Variants in HLCS observed in about 807,000 individuals in gnomAD.
HLCS encodes holocarboxylase synthetase.
Under a neutral mutation model 75.0 loss-of-function variants are expected in HLCS, and 53 were observed. That is an observed-to-expected ratio of 0.71 (90% CI 0.57 to 0.89). The LOEUF is 0.89. Among genes scored for constraint, HLCS ranks in the 40% least tolerant of loss-of-function variants. The pLI is 0.00. For synonymous variants in HLCS, 431 were observed against 428.6 expected (o/e 1.01, Z -0.07); for missense variants, 966 against 1,074.0 (o/e 0.90, Z 1.41).
intron 2 of HLCS, among the ~76,000 whole-genome samples, chr21:36,941,038 C>T (rs2067117200): frequency 6.6e-6 from 1 of 152,132 alleles, no homozygotes; most frequent in Non-Finnish European, 1.5e-5. Flanking sequence ...ATGGTAAAAC[C>T]CCGTCTCTAC....
chr21:36,942,703 A>G (rs1027393933), intron 2 of HLCS, among the ~76,000 whole-genome samples: 31 of 152,154 alleles, frequency 2.0e-4, no homozygotes, highest in African/African-American at 7.5e-4. Context: ...GAAAAATAGG[A>G]GAAAGTATTG....
At chr21:36,906,745 T>G (rs998346472) in intron 5 of HLCS, among the ~76,000 whole-genome samples, 8 of 147,766 alleles carry the variant, frequency 5.4e-5, no homozygotes, top group African/African-American at 2.0e-4. Flanking sequence ...GTCAAAACAA[T>G]TTTGGGAAGG....
At chr21:36,923,918 CCCTTA>C (rs1300527684) in intron 5 of HLCS, among the ~76,000 whole-genome samples, 1 of 152,232 alleles carries the variant, frequency 6.6e-6, no homozygotes, top group East Asian at 1.9e-4. Context: ...ATATGAAAGA[CCCTTA>C]AAAGCATTCA....
Position 36,821,172 on chromosome 21 carries a change from C to T in HLCS, c.1893-53887G>A, listed in dbSNP as rs75140748. Among the ~76,000 whole-genome samples, 815 of 152,260 alleles carry T rather than the reference C, an allele frequency of 5.4e-3. 2 individuals are homozygous for T. Among genetic ancestry groups the T allele is most frequent in the Non-Finnish European group, 7.0e-3 (473 of 68,016 alleles). On this transcript the variant is annotated intron_variant, in intron 6 of 10. Transcript: ENST00000674895. The stretch of plus-strand genomic sequence containing the variant: ...GGGAGACAGTCCACTTGGGTGACGG[C>T]GAATTTCTTTCACCCCGAGCTGACA...
chr21:36,785,750 C>A (rs1049610783), intron 6 of HLCS, among the ~76,000 whole-genome samples: 1 of 152,136 alleles, frequency 6.6e-6, no homozygotes, highest in African/African-American at 2.4e-5. Context: ...TGTATCCTGG[C>A]CTTGTTCCTC....
At chr21:36,970,793 C>T (rs899792766), upstream of HLCS, among the ~76,000 whole-genome samples, 2 of 151,998 alleles carry the variant, frequency 1.3e-5, no homozygotes, top group Non-Finnish European at 2.9e-5. Flanking sequence ...GAGATCGAGA[C>T]CATCCTGGCT....
intron 6 of HLCS, among the ~76,000 whole-genome samples, chr21:36,819,874 A>G (rs145774952): frequency 5.0e-4 from 76 of 152,360 alleles, no homozygotes; most frequent in Non-Finnish European, 8.5e-4. Flanking sequence ...GAAGTTGCAC[A>G]TCTGAAAGAT....
chr21:36,754,935 A>G (rs926532280), intron 10 of HLCS, among the ~76,000 whole-genome samples: 1 of 152,206 alleles, frequency 6.6e-6, no homozygotes, highest in Admixed American at 6.5e-5. Flanking sequence ...AATTTTCTCA[A>G]GTTTTTATTT....
intron 6 of HLCS, among the ~76,000 whole-genome samples, chr21:36,792,578 G>T (rs187674686): frequency 2.0e-5 from 3 of 152,180 alleles, no homozygotes; most frequent in Admixed American, 2.0e-4. Context: ...TGCTACTTAT[G>T]ATTTCATTTC....
rs1304758961 is a variant in HLCS, at chr21:36,938,957, C to T, written c.368G>A (p.Cys123Tyr). 1 of 1,611,772 alleles carries T rather than the reference C, an allele frequency of 6.2e-7. No individual in the cohort carries two copies. The highest frequency in any genetic ancestry group is 1.7e-5 in the Admixed American group (1 of 60,004). Residue 123 changes from cysteine to tyrosine, a missense_variant, in exon 3 of 11, where the codon TGC (cysteine) becomes TAC (tyrosine). Coordinates refer to ENST00000674895, the MANE Select transcript of HLCS (RefSeq NM_001352514.2). ...KWSDCCLPLA[C>Y]RPGDPYRLIA... ...TAGCCGATAAGGATCCCCAGGTCTG[C>T]AAGCTAATGGCAAACAACAGTCTGA... is the stretch of plus-strand genomic sequence containing the variant.
At chr21:36,816,988 A>G (rs151198573) in intron 6 of HLCS, among the ~76,000 whole-genome samples, 1 of 152,320 alleles carries the variant, frequency 6.6e-6, no homozygotes, top group African/African-American at 2.4e-5. Flanking sequence ...TCAGTGGCCA[A>G]GATTAAAGCT....
In HLCS at chr21:36,897,031, A is replaced by G; in HGVS notation, c.1721T>C (p.Val574Ala). 1 of 1,614,206 alleles carries G rather than the reference A, an allele frequency of 6.2e-7. No homozygotes were observed. The highest frequency in any genetic ancestry group is 1.7e-5 in the Admixed American group (1 of 60,026). ...QLSLRFVSSY[V>A]SEVEITPSCI... Reference sequence around the variant, plus strand: ...AGATGGGGTTATTTCTACTTCAGACACGTAGGATGAAACAAATCTAAGAGA... The same window carrying G: ...AGATGGGGTTATTTCTACTTCAGACGCGTAGGATGAAACAAATCTAAGAGA... Residue 574 changes from valine (V) to alanine (A), a missense_variant, in exon 6 of 11, where the codon GTG becomes GCG. By Grantham distance (64) the Val-to-Ala change is moderately conservative. Transcript: ENST00000674895.
rs780625064 is a variant in HLCS, at chr21:36,748,984, C to T, written c.*5262G>A. 6.6e-6 allele frequency: 1 copy of T among 152,552 alleles called. No individual in the cohort carries two copies. The highest frequency in any genetic ancestry group is 1.5e-5 in the Non-Finnish European group (1 of 68,034). The allele number at this position is 152,552 out of a possible 1,614,324, so 9.4% of individuals were successfully genotyped here. On this transcript the variant is annotated 3_prime_UTR_variant, in exon 11 of 11. Coordinates refer to ENST00000674895, the MANE Select transcript of HLCS (RefSeq NM_001352514.2). ...ATAGTGCTAATAAAGTTAAATTGCA[C>T]GTGCAATACGGAACACTGTCAATGG...
At chr21:36,930,101 T>C in intron 5 of HLCS, 150 bp downstream of exon 5, 1 of 741,750 alleles carries the variant, frequency 1.3e-6, no homozygotes. Context: ...AAATGAATAT[T>C]TGCACATCTT....
intron 6 of HLCS, among the ~76,000 whole-genome samples, chr21:36,838,297 A>ATCAC (rs1347751487): frequency 1.8e-5 from 2 of 113,554 alleles, no homozygotes; most frequent in East Asian, 4.9e-4. Context: ...GGGGTGAATG[A>ATCAC]TCACACACAC....
chr21:36,847,448 T>G (rs2062835844), intron 6 of HLCS, among the ~76,000 whole-genome samples: 1 of 152,166 alleles, frequency 6.6e-6, no homozygotes, highest in Non-Finnish European at 1.5e-5. Context: ...GAATAAGCAC[T>G]TAGACAGTAA....
intron 5 of HLCS, among the ~76,000 whole-genome samples, chr21:36,905,364 A>T (rs2065407265): frequency 6.6e-6 from 1 of 152,216 alleles, no homozygotes; most frequent in African/African-American, 2.4e-5. Flanking sequence ...TGGCTACGTA[A>T]GCATCAAAAA....
chr21:36,852,160 A>G (rs2063031933), intron 6 of HLCS: 1 of 152,256 alleles, frequency 6.6e-6, no homozygotes, highest in East Asian at 1.9e-4. Flanking sequence ...TCGTTCTCAC[A>G]TGGAATTCTT....
At position 36,754,283 on chromosome 21, in the gene HLCS, T is replaced by G. The variant is rs752737867; in HGVS notation, c.2585A>C (p.Asp862Ala). ...VTVHPDGNSF[D>A]MLRNLILPKR... Reference sequence around the variant, plus strand: ...GGGGAGGATGAGGTTTCTCAGCATGTCGAAGGAGTTGCCGTCCGGGTGCAC... The same window carrying G: ...GGGGAGGATGAGGTTTCTCAGCATGGCGAAGGAGTTGCCGTCCGGGTGCAC... Residue 862 changes from aspartate to alanine, a missense_variant, in exon 11 of 11, where the codon GAC becomes GCC. Asp to Ala is a moderately radical substitution (Grantham distance 126). Transcript: ENST00000674895. The G allele has an allele frequency of 1.2e-5, 19 of 1,613,970 alleles. No homozygotes were observed. The highest frequency in any genetic ancestry group is 1.6e-4 in the Middle Eastern group (1 of 6,084).
Sources: gnomAD v4.1 joint callset for allele counts (sites outside exome capture counted in the v4.1 genomes callset) on GRCh38, gnomAD v4.1.1 for gene constraint, MANE v1.5 for transcripts, NCBI Gene and HGNC (gene_info 2026-07-23, HGNC 2026-07-21) for gene names.